PML: variants seen among roughly 807,000 people sequenced by gnomAD.
PML encodes the protein PML nuclear body scaffold.
Under a neutral mutation model 65.2 loss-of-function variants are expected in PML, and 28 were observed. The ratio of observed to expected loss-of-function variants is 0.43; its 90% confidence interval spans 0.32 to 0.59. The LOEUF is 0.59. Ranked by LOEUF, PML falls within the 20% of genes least tolerant of loss-of-function variation. The pLI is 0.08. For synonymous variants in PML, 500 were observed against 508.8 expected (o/e 0.98, Z 0.23); for missense variants, 1,021 against 1,203.4 (o/e 0.85, Z 2.24).
chr15:74,000,480 AT>A (rs1219475797), intron 2 of PML, among the ~76,000 whole-genome samples: 2 of 151,770 alleles, frequency 1.3e-5, no homozygotes, highest in Non-Finnish European at 2.9e-5. Flanking sequence ...TAATTTTTAA[AT>A]TTTTTGTAGA....
At position 74,023,374 on chromosome 15, in the gene PML, G is replaced by T. The variant is rs556426526; in HGVS notation, c.1149G>T (p.Leu383=). The T allele has an allele frequency of 8.1e-6, 13 of 1,599,948 alleles. No individual in the cohort carries two copies. Among genetic ancestry groups the T allele is most frequent in the Non-Finnish European group, 9.3e-6 (11 of 1,179,836 alleles). The change falls in exon 3 of 9, where the codon CTG becomes CTT. Residue 383 remains leucine, a synonymous_variant. Transcript: ENST00000268058. ...GCTTCGACGAGTTCAAGGTGCGCCT[G>T]CAGGACCTCAGCTCTTGCATCACCC... ...TDGFDEFKVR[L]QDLSSCITQG... is the part of the protein sequence containing the mutation.
intron 7 of PML, chr15:74,036,178 C>G (rs1000142814): frequency 8.0e-5 from 128 of 1,599,092 alleles, no homozygotes; most frequent in Non-Finnish European, 1.0e-4. Context: ...ATTCAAGCCA[C>G]CATTCCAGGC....
At chr15:74,031,121 C>T in intron 4 of PML, 1 of 294,608 alleles carries the variant, frequency 3.4e-6, no homozygotes, top group Admixed American at 4.0e-5. Flanking sequence ...ACCCCTTACC[C>T]ATGAAGCAGT....
At chr15:74,017,043 C>A (rs1223144578) in intron 2 of PML, among the ~76,000 whole-genome samples, 1 of 151,540 alleles carries the variant, frequency 6.6e-6, no homozygotes, top group East Asian at 2.0e-4. Context: ...GTGATCCACC[C>A]ACCTCGGCCT....
At position 74,023,257 on chromosome 15, in the gene PML, G is replaced by T; in HGVS notation, c.1032G>T (p.Glu344Asp). ...TGAAGTGCTACGCCTCGGACCAGGA[G>T]GTGCTGGACATGCACGGTTTCCTGC... is the stretch of plus-strand genomic sequence containing the variant. The part of the protein sequence containing the change: ...QRMKCYASDQ[E>D]VLDMHGFLRQ... The change falls in exon 3 of 9, where the codon GAG becomes GAT. Residue 344 changes from glutamate to aspartate, a missense_variant. Transcript: ENST00000268058. The T allele has an allele frequency of 6.2e-7, 1 of 1,611,142 alleles. No homozygotes were observed. The highest frequency in any genetic ancestry group is 8.5e-7 in the Non-Finnish European group (1 of 1,179,626).
At chr15:74,005,645 T>C (rs1036737300) in intron 2 of PML, among the ~76,000 whole-genome samples, 2 of 152,150 alleles carry the variant, frequency 1.3e-5, no homozygotes, top group Admixed American at 6.5e-5. Context: ...TGCTTTTTCT[T>C]GGCAGCCTGC....
intron 7 of PML, chr15:74,041,549 G>C (rs1174647467): frequency 6.6e-6 from 1 of 152,276 alleles, no homozygotes; most frequent in Admixed American, 6.5e-5. Context: ...AAGAGGCAAA[G>C]CCAGCTCTAG....
chr15:74,034,882 G>A, intron 7 of PML: 2 of 1,438,476 alleles, frequency 1.4e-6, no homozygotes, highest in Non-Finnish European at 1.8e-6. Context: ...CCATTCCTTG[G>A]TTTATTACAG....
chr15:74,025,351 C>T (rs1197530339), intron 4 of PML: 1 of 213,508 alleles, frequency 4.7e-6, no homozygotes, highest in African/African-American at 2.3e-5. Flanking sequence ...CCTCCTACAC[C>T]CTACCCCCAA....
chr15:74,000,577 G>T (rs1370468052), intron 2 of PML, among the ~76,000 whole-genome samples: 1 of 152,070 alleles, frequency 6.6e-6, no homozygotes. Flanking sequence ...CAAAGTGCTG[G>T]GATTACAGGT....
intron 2 of PML, among the ~76,000 whole-genome samples, chr15:73,999,681 C>T (rs983975130): frequency 2.0e-5 from 3 of 151,458 alleles, no homozygotes; most frequent in African/African-American, 7.3e-5. Flanking sequence ...ACAAATTCCT[C>T]GAAAGAAAAA....
intron 1 of PML, among the ~76,000 whole-genome samples, chr15:73,997,557 T>TA (rs1202597954): frequency 6.6e-6 from 1 of 152,246 alleles, no homozygotes; most frequent in Non-Finnish European, 1.5e-5. Context: ...GACATTGTTG[T>TA]ACAAGTATCT....
rs2071709803 is a variant in PML, at chr15:74,042,121, G to C, written c.1711-868G>C. ...TCCCTCTGTAGTCCCAGTCCCTTGG[G>C]AAAATCTCAGAGCTGGAGCCCTTCC... On this transcript the variant is annotated intron_variant, in intron 7 of 8. Coordinates refer to ENST00000268058, the MANE Select transcript of PML (RefSeq NM_033238.3). This position sits in a 1 kb window ranked among gnomAD's most constrained non-coding sequence, Gnocchi z 5.3. 6.6e-6 allele frequency among the ~76,000 whole-genome samples: 1 copy of C among 152,256 alleles called. No homozygotes were observed. The highest frequency in any genetic ancestry group is 1.5e-5 in the Non-Finnish European group (1 of 68,050).
intron 2 of PML, among the ~76,000 whole-genome samples, chr15:73,999,120 CCCA>C (rs2069643679): frequency 1.3e-5 from 2 of 152,290 alleles, no homozygotes; most frequent in African/African-American, 4.8e-5. Context: ...CTGCCTAATT[CCCA>C]CCACTTCTCC....
rs1363713539 is a variant in PML at position 74,046,270 on chromosome 15, C to G, written c.*1262C>G. 2 of 233,184 alleles carry G rather than the reference C, an allele frequency of 8.6e-6. No homozygotes were observed. The highest frequency in any genetic ancestry group is 1.7e-5 in the Non-Finnish European group (2 of 118,032). 14.4% of individuals were successfully genotyped at this position (233,184 alleles called of 1,614,324 possible). A position where few individuals can be genotyped will look rare whatever the true frequency, so the allele number is the denominator to read the frequency against. On this transcript the variant is annotated 3_prime_UTR_variant, in exon 9 of 9. Transcript: ENST00000268058. ...CCAACCTTGTGGTCACATCAGAGGT[C>G]AACAGCAGAACAGAGGCAGGTCAGG...
At chr15:74,006,409 AAG>A (rs1555440226) in intron 2 of PML, among the ~76,000 whole-genome samples, 6 of 151,686 alleles carry the variant, frequency 4.0e-5, no homozygotes, top group African/African-American at 1.5e-4. Context: ...AAAAAAAAAA[AAG>A]AAAGAAAAAC....
Position 74,044,480 on chromosome 15 carries a change from C to T in PML, c.2121C>T (p.Phe707=). Residue 707 remains phenylalanine (F), a synonymous_variant, in exon 9 of 9, where the codon TTC becomes TTT. Coordinates refer to ENST00000268058, the MANE Select transcript of PML (RefSeq NM_033238.3). Reference sequence around the variant, plus strand: ...AATTCCAGGAGGCCATCTCGGGCTTCCTGGCTGCCCTGCCTCTCATCCGGG... The same window carrying T: ...AATTCCAGGAGGCCATCTCGGGCTTTCTGGCTGCCCTGCCTCTCATCCGGG... The part of the protein sequence containing the change: ...LWEFQEAISG[F]LAALPLIRER... The T allele has an allele frequency of 6.2e-7, 1 of 1,614,072 alleles. No homozygotes were observed. The highest frequency in any genetic ancestry group is 2.2e-5 in the East Asian group (1 of 44,886).
Position 74,035,809 on chromosome 15 carries a change from C to G in PML, c.1710+1279C>G. 1 of 1,614,010 alleles carries G rather than the reference C, an allele frequency of 6.2e-7. No individual in the cohort carries two copies. Among genetic ancestry groups the G allele is most frequent in the South Asian group, 1.1e-5 (1 of 91,066 alleles). On this transcript the variant is annotated intron_variant, in intron 7 of 8. Transcript: ENST00000268058. This position sits in a 1 kb window ranked among gnomAD's most constrained non-coding sequence, Gnocchi z 4.1. ...CAGACTCTTGGAGCAGGTGTTCCCCCTGGGGACTCTGTCAGAGGCTCCATG... is the reference window on the plus strand; with the variant it reads ...CAGACTCTTGGAGCAGGTGTTCCCCGTGGGGACTCTGTCAGAGGCTCCATG...
intron 7 of PML, among the ~76,000 whole-genome samples, chr15:74,039,076 G>A (rs1470487522): frequency 2.0e-5 from 3 of 152,220 alleles, no homozygotes; most frequent in Non-Finnish European, 4.4e-5. Flanking sequence ...TACTGGCTCC[G>A]GTGCCTTGGT....
Sources: allele counts gnomAD v4.1 joint callset (sites outside exome capture counted in the v4.1 genomes callset), GRCh38; gene constraint gnomAD v4.1.1; non-coding constraint Gnocchi (gnomAD v3.1); transcripts MANE v1.5; gene names NCBI Gene and HGNC (gene_info 2026-07-23, HGNC 2026-07-21).